AKAP13: variants seen among roughly 807,000 people sequenced by gnomAD.
AKAP13 encodes A-kinase anchoring protein 13.
AKAP13 carries 80 observed loss-of-function variants against 264.5 expected under a neutral mutation model. The ratio of observed to expected loss-of-function variants is 0.30; its 90% confidence interval spans 0.25 to 0.36. The LOEUF (loss-of-function observed/expected upper bound fraction) is 0.36. Among genes scored for constraint, AKAP13 ranks in the 10% least tolerant of loss-of-function variants. AKAP13 has a pLI of 1.00. For missense variants in AKAP13, 3,712 were observed against 3,435.2 expected, an observed-to-expected ratio of 1.08 and a Z score of -2.01; for synonymous variants, 1,380 against 1,250.2, an observed-to-expected ratio of 1.10 and a Z score of -2.19.
At chr15:85,526,838 G>C (rs7165300) in intron 3 of AKAP13, among the ~76,000 whole-genome samples, 101,080 of 151,976 alleles carry the variant, frequency 0.67, 33,683 homozygotes, top group Middle Eastern at 0.76. Context: ...TTATATTCTA[G>C]AAAACTTAAA....
chr15:85,509,386 A>G (rs1276306292), intron 2 of AKAP13, among the ~76,000 whole-genome samples: 2 of 152,250 alleles, frequency 1.3e-5, no homozygotes, highest in African/African-American at 2.4e-5. Context: ...TTGATTTCCC[A>G]GAGAAACGAA....
intron 5 of AKAP13, chr15:85,555,491 TGTGA>T (rs1424032392): frequency 2.3e-6 from 3 of 1,279,832 alleles, no homozygotes; most frequent in African/African-American, 3.0e-5. Flanking sequence ...GGCAGCCATG[TGTGA>T]GTATCAGCTT....
chr15:85,475,885 G>A (rs555325852), intron 1 of AKAP13, among the ~76,000 whole-genome samples: 86 of 152,234 alleles, frequency 5.6e-4, no homozygotes, highest in Middle Eastern at 3.4e-3. Context: ...TATTTCTCTA[G>A]CATTCATTGG....
intron 19 of AKAP13, among the ~76,000 whole-genome samples, chr15:85,710,958 T>G (rs910559223): frequency 3.9e-5 from 6 of 152,174 alleles, no homozygotes; most frequent in African/African-American, 1.4e-4. Context: ...TTAAAAGACT[T>G]GTTTTTAGTG....
intron 9 of AKAP13, among the ~76,000 whole-genome samples, chr15:85,645,501 A>G (rs1015558327): frequency 1.3e-5 from 2 of 152,222 alleles, no homozygotes; most frequent in African/African-American, 4.8e-5. Flanking sequence ...ATTACCATTC[A>G]GGTATCTAAA....
intron 4 of AKAP13, 148 bp from the exon 5 acceptor site, chr15:85,543,624 A>G (rs769691011): frequency 6.5e-6 from 6 of 917,456 alleles, no homozygotes; most frequent in Admixed American, 6.4e-5. Flanking sequence ...CCTGGCCACA[A>G]TAAAGCTGTT....
chr15:85,643,554 C>T (rs1176100709), intron 9 of AKAP13, among the ~76,000 whole-genome samples: 2 of 152,172 alleles, frequency 1.3e-5, no homozygotes, highest in African/African-American at 4.8e-5. Context: ...TCAAAGGAGA[C>T]GTTGGAAGTT....
At chr15:85,426,744 C>A (rs2072795762) in intron 1 of AKAP13, among the ~76,000 whole-genome samples, 1 of 152,096 alleles carries the variant, frequency 6.6e-6, no homozygotes, top group Admixed American at 6.5e-5. Flanking sequence ...CTAGCCACTA[C>A]CCTATCTCTC....
chr15:85,727,436 T>C lies in AKAP13; in HGVS notation c.7060T>C (p.Leu2354=), dbSNP rs763205975. The C allele has an allele frequency of 3.5e-5, 56 of 1,614,216 alleles. No individual in the cohort carries two copies. Among genetic ancestry groups the C allele is most frequent in the Non-Finnish European group, 4.6e-5 (54 of 1,180,030 alleles). The change falls in exon 29 of 37, where the codon TTG becomes CTG. Residue 2354 remains leucine (L), a synonymous_variant. Coordinates refer to ENST00000394518, the MANE Select transcript of AKAP13 (RefSeq NM_007200.5). The surrounding 1 kb of genome is among the most constrained non-coding windows in gnomAD (Gnocchi z 5.3). ...PSENEEEKKM[L]DTRARELKEQ... is the part of the protein sequence containing the mutation. ...TGAGAATGAGGAAGAAAAGAAAATG[T>C]TGGACACCAGAGCCCGAGAATTAAA...
chr15:85,676,984 C>G, intron 14 of AKAP13: 1 of 985,510 alleles, frequency 1.0e-6, no homozygotes, highest in Non-Finnish European at 1.2e-6. Context: ...AGCTCAGCAG[C>G]AGATGCGGCC....
intron 2 of AKAP13, among the ~76,000 whole-genome samples, chr15:85,506,851 C>G (rs1297334136): frequency 6.6e-6 from 1 of 152,218 alleles, no homozygotes; most frequent in African/African-American, 2.4e-5. Flanking sequence ...ATCCTTGGCA[C>G]TGCTTTATGC....
chr15:85,631,636 C>G (rs535059119), intron 8 of AKAP13, among the ~76,000 whole-genome samples: 3 of 151,738 alleles, frequency 2.0e-5, no homozygotes, highest in Non-Finnish European at 4.4e-5. Context: ...CAAATAAAGT[C>G]CGGAGTTTAC....
At chr15:85,590,286 T>G (rs1042372362) in intron 8 of AKAP13, among the ~76,000 whole-genome samples, 1 of 152,244 alleles carries the variant, frequency 6.6e-6, no homozygotes, top group Non-Finnish European at 1.5e-5. Context: ...TAAATTCTTA[T>G]GGAAGTTTTG....
chr15:85,393,763 T>G (rs1392093047), intron 1 of AKAP13, among the ~76,000 whole-genome samples: 1 of 152,234 alleles, frequency 6.6e-6, no homozygotes, highest in Non-Finnish European at 1.5e-5. Context: ...ATCTGGGACA[T>G]TGTGACTACA....
chr15:85,500,617 AT>A, intron 2 of AKAP13, among the ~76,000 whole-genome samples: 2 of 152,246 alleles, frequency 1.3e-5, no homozygotes, highest in Middle Eastern at 6.8e-3. Flanking sequence ...GAATTTATTG[AT>A]TGATCGGTTG....
rs144110250 is a variant in AKAP13 at position 85,680,997 on chromosome 15, T to C, written c.5102-1161T>C. 3.3e-3 allele frequency among the ~76,000 whole-genome samples: 505 copies of C among 152,114 alleles called. 1 individual carries two copies. Among genetic ancestry groups the C allele is most frequent in the African/African-American group, 0.011 (465 of 41,488 alleles). ...CACGCCTGGCCAATTTGTGTATTTT[T>C]AGTAGAGAAGGGGTTTCACCATGTT... is the stretch of plus-strand genomic sequence containing the variant. On this transcript the variant is annotated intron_variant, in intron 14 of 36. Transcript: ENST00000394518.
chr15:85,696,828 T>G (rs1305425159), intron 17 of AKAP13, among the ~76,000 whole-genome samples: 2 of 152,154 alleles, frequency 1.3e-5, no homozygotes, highest in African/African-American at 4.8e-5. Context: ...CCTCAGGGTA[T>G]GTAGTGGGAG....
At chr15:85,679,041 C>T (rs2084426318) in intron 14 of AKAP13, among the ~76,000 whole-genome samples, 1 of 151,952 alleles carries the variant, frequency 6.6e-6, no homozygotes, top group Non-Finnish European at 1.5e-5. Context: ...GAGTTCAAGA[C>T]CAGTCTGGCC....
At chr15:85,483,419 G>A (rs1415019211) in intron 1 of AKAP13, among the ~76,000 whole-genome samples, 2 of 152,126 alleles carry the variant, frequency 1.3e-5, no homozygotes, top group Non-Finnish European at 2.9e-5. Context: ...GAGGTCAGGA[G>A]ATCGAGACCA....
Sources: gnomAD v4.1 joint callset for allele counts (sites outside exome capture counted in the v4.1 genomes callset) on GRCh38, gnomAD v4.1.1 for gene constraint, Gnocchi (gnomAD v3.1) non-coding constraint, MANE v1.5 for transcripts, NCBI Gene and HGNC (gene_info 2026-07-23, HGNC 2026-07-21) for gene names.